Variants in APPBP2 observed in about 807,000 individuals in gnomAD.
The protein encoded by APPBP2 is amyloid protein-binding protein 2.
A neutral mutation model predicts 76.0 loss-of-function variants in APPBP2; 15 were observed. That is an observed-to-expected ratio of 0.20 (90% CI 0.13 to 0.30). The LOEUF (loss-of-function observed/expected upper bound fraction) is 0.30, where lower values mean the gene tolerates loss of function less well. APPBP2 is among the 10% of genes least tolerant of loss of function. APPBP2 has a pLI of 1.00. For synonymous variants in APPBP2, 222 were observed against 242.2 expected, an observed-to-expected ratio of 0.92 and a Z score of 0.77; for missense variants, 401 against 687.2, an observed-to-expected ratio of 0.58 and a Z score of 4.66.
At chr17:60,457,967 A>G (rs1053249807) in intron 9 of APPBP2, among the ~76,000 whole-genome samples, 2 of 150,350 alleles carry the variant, frequency 1.3e-5, no homozygotes, top group Non-Finnish European at 2.9e-5. Context: ...TTTCCCTCCA[A>G]CTCCCCAGCC....
At chr17:60,474,506 G>C (rs2090575588) in intron 4 of APPBP2, among the ~76,000 whole-genome samples, 1 of 151,978 alleles carries the variant, frequency 6.6e-6, no homozygotes, top group South Asian at 2.1e-4. Context: ...AATTTCACTA[G>C]GTGATCTCTA....
intron 1 of APPBP2, among the ~76,000 whole-genome samples, chr17:60,504,417 A>G (rs1402083948): frequency 1.3e-5 from 2 of 152,250 alleles, no homozygotes; most frequent in East Asian, 1.9e-4. Flanking sequence ...GCATTTTAAG[A>G]TCACTGAGGA....
chr17:60,463,097 T>C (rs1429029444), intron 6 of APPBP2, among the ~76,000 whole-genome samples: 1 of 152,226 alleles, frequency 6.6e-6, no homozygotes, highest in Non-Finnish European at 1.5e-5. Context: ...TTTATGCTGT[T>C]TACTTACTCT....
intron 4 of APPBP2, among the ~76,000 whole-genome samples, chr17:60,471,582 T>A (rs1185393943): frequency 1.3e-5 from 2 of 152,078 alleles, no homozygotes; most frequent in Non-Finnish European, 2.9e-5. Context: ...TAACTGGGTT[T>A]TTTTTTTTTC....
intron 9 of APPBP2, among the ~76,000 whole-genome samples, chr17:60,457,406 GA>G (rs1277038597): frequency 6.6e-6 from 1 of 151,906 alleles, no homozygotes; most frequent in Admixed American, 6.6e-5. Context: ...CTTGTCTGCT[GA>G]GGTTTTTTTT....
intron 4 of APPBP2, among the ~76,000 whole-genome samples, chr17:60,475,541 T>C (rs1244205356): frequency 6.6e-6 from 1 of 152,050 alleles, no homozygotes; most frequent in Non-Finnish European, 1.5e-5. Context: ...TTTCTCTCAG[T>C]AACTAAGATA....
At chr17:60,496,277 G>T (rs979210111) in intron 2 of APPBP2, 1 of 152,056 alleles carries the variant, frequency 6.6e-6, no homozygotes, top group Non-Finnish European at 1.5e-5. Flanking sequence ...TTAAATTGGT[G>T]AATTTTATAG....
intron 9 of APPBP2, among the ~76,000 whole-genome samples, chr17:60,456,804 A>G (rs1015236763): frequency 2.6e-5 from 4 of 152,020 alleles, no homozygotes; most frequent in African/African-American, 7.2e-5. Context: ...CTCGCTCCTC[A>G]GGTCTTTCCA....
intron 6 of APPBP2, chr17:60,462,631 C>A (rs1445355220): frequency 1.3e-5 from 2 of 152,242 alleles, no homozygotes; most frequent in African/African-American, 4.8e-5. Flanking sequence ...TTTCTAAAAA[C>A]TCTAAATATA....
rs746715643 is a variant in APPBP2, at chr17:60,489,610, C to CAAAAA, written c.379+4851_379+4855dup. 5.6e-3 allele frequency among the ~76,000 whole-genome samples: 302 copies of CAAAAA among 53,564 alleles called. 5 individuals are homozygous for CAAAAA. The highest frequency in any genetic ancestry group is 0.016 in the African/African-American group (293 of 18,034). 35.1% of individuals were successfully genotyped at this position (53,564 alleles called of 152,430 possible). On this transcript the variant is annotated intron_variant, in intron 3 of 12. Coordinates refer to ENST00000083182, the MANE Select transcript of APPBP2 (RefSeq NM_006380.5). The stretch of plus-strand genomic sequence containing the variant: ...TGGGCGACAGAGTGGGACCATGTCT[C>CAAAAA]AAAAAAAAAAAAAAAAAAAAAGATT...
chr17:60,519,367 G>A (rs568797146), intron 1 of APPBP2, among the ~76,000 whole-genome samples: 2 of 152,230 alleles, frequency 1.3e-5, no homozygotes, highest in African/African-American at 2.4e-5. Flanking sequence ...AGCACATTAC[G>A]GGGCTGAGGT....
intron 1 of APPBP2, among the ~76,000 whole-genome samples, chr17:60,510,326 C>A (rs1293601659): frequency 1.3e-5 from 2 of 152,060 alleles, no homozygotes; most frequent in Non-Finnish European, 2.9e-5. Context: ...TCACTTGAGC[C>A]CTGAAGGTCA....
Position 60,447,701 on chromosome 17 carries a change from C to T in APPBP2, c.1638G>A (p.Leu546=), listed in dbSNP as rs765153232. ...CTGTCACTGAATATTGCCGATCTCG[C>T]AACCGGTTCCAGTTAGACAGAACAT... ...YHNVLSNWNR[L]RDRQYSVTDA... is the part of the protein sequence containing the mutation. The change falls in exon 13 of 13, where the codon TTG becomes TTA. Residue 546 remains leucine, a synonymous_variant. Coordinates refer to ENST00000083182, the MANE Select transcript of APPBP2 (RefSeq NM_006380.5). 3 of 1,614,140 alleles carry T rather than the reference C, an allele frequency of 1.9e-6. No individual in the cohort carries two copies. The East Asian group carries it at 6.7e-5, about 36-fold the overall frequency.
intron 3 of APPBP2, among the ~76,000 whole-genome samples, chr17:60,480,057 T>G (rs1414373668): frequency 2.0e-5 from 3 of 152,182 alleles, no homozygotes; most frequent in Non-Finnish European, 4.4e-5. Context: ...AAGGAATAAT[T>G]TCTTAGTGCT....
intron 10 of APPBP2, 60 bp from the exon 11 acceptor site, chr17:60,454,552 C>T (rs902696287): frequency 1.8e-6 from 2 of 1,123,234 alleles, no homozygotes; most frequent in African/African-American, 1.6e-5. Context: ...CTAGTAAGAA[C>T]ATCTAATTTA....
At chr17:60,506,759 C>T (rs1023710992) in intron 1 of APPBP2, among the ~76,000 whole-genome samples, 4 of 152,314 alleles carry the variant, frequency 2.6e-5, no homozygotes, top group South Asian at 2.1e-4. Flanking sequence ...ATTTTCCCCC[C>T]GGGCGCGGTG....
chr17:60,465,194 T>A (rs1014959738), intron 5 of APPBP2: 1 of 152,240 alleles, frequency 6.6e-6, no homozygotes, highest in African/African-American at 2.4e-5. Flanking sequence ...ATGTTCTAGA[T>A]AGATACGTTC....
chr17:60,452,881 C>A (rs2090405736), intron 11 of APPBP2, among the ~76,000 whole-genome samples: 1 of 152,120 alleles, frequency 6.6e-6, no homozygotes, highest in South Asian at 2.1e-4. Flanking sequence ...CTGTAGTGAG[C>A]CATGATCACA....
At chr17:60,507,912 C>A (rs1032352266) in intron 1 of APPBP2, among the ~76,000 whole-genome samples, 6 of 151,886 alleles carry the variant, frequency 4.0e-5, no homozygotes, top group African/African-American at 1.5e-4. Flanking sequence ...CTCAACCTCC[C>A]AAGTAGCTAC....
Sources: gnomAD v4.1 joint callset for allele counts (sites outside exome capture counted in the v4.1 genomes callset) on GRCh38, gnomAD v4.1.1 for gene constraint, MANE v1.5 for transcripts, NCBI Gene and HGNC (gene_info 2026-07-23, HGNC 2026-07-21) for gene names.